The following PARD3 variants were observed in gnomAD, a reference collection of about 807,000 sequenced individuals.
PARD3 encodes par-3 family cell polarity regulator.
A neutral mutation model predicts 155.4 loss-of-function variants in PARD3; 75 were observed. The ratio of observed to expected loss-of-function variants is 0.48; its 90% CI spans 0.40 to 0.58. The LOEUF (loss-of-function observed/expected upper bound fraction) is 0.58, where lower values mean the gene tolerates loss of function less well. PARD3 is among the 20% of genes least tolerant of loss of function. The pLI is 0.00. For synonymous variants in PARD3, 576 were observed against 610.5 expected, an observed-to-expected ratio of 0.94 and a Z score of 0.83; for missense variants, 1,642 against 1,721.7, an observed-to-expected ratio of 0.95 and a Z score of 0.82.
chr10:34,154,839 T>C (rs1948931951), intron 22 of PARD3, among the ~76,000 whole-genome samples: 1 of 152,208 alleles, frequency 6.6e-6, no homozygotes, highest in Admixed American at 6.5e-5. Context: ...TTGGGAAGAC[T>C]GATTGAGACT....
At chr10:34,730,879 A>C (rs1468321506) in intron 1 of PARD3, among the ~76,000 whole-genome samples, 3 of 152,226 alleles carry the variant, frequency 2.0e-5, no homozygotes, top group African/African-American at 7.2e-5. Flanking sequence ...AGCAGCCTTA[A>C]TGAGCGCATA....
At chr10:34,634,321 G>A (rs140335006) in intron 2 of PARD3, among the ~76,000 whole-genome samples, 58 of 152,268 alleles carry the variant, frequency 3.8e-4, no homozygotes, top group African/African-American at 7.9e-4. Context: ...TACGTATAGC[G>A]GGAAACCATT....
chr10:34,674,776 C>G (rs17579227), intron 2 of PARD3, among the ~76,000 whole-genome samples: 3 of 152,058 alleles, frequency 2.0e-5, no homozygotes, highest in African/African-American at 2.4e-5. Flanking sequence ...CGTGAGCCAC[C>G]GTGCCCAGCC....
chr10:34,807,644 G>T (rs10827431), intron 1 of PARD3, among the ~76,000 whole-genome samples: 53,682 of 151,894 alleles, frequency 0.35, 10,627 homozygotes, highest in African/African-American at 0.55. Context: ...TGATGTACAG[G>T]TTTTGTGTAC....
chr10:34,697,477 C>G (rs1019421620), intron 1 of PARD3, among the ~76,000 whole-genome samples: 8 of 152,106 alleles, frequency 5.3e-5, no homozygotes, highest in African/African-American at 1.9e-4. Flanking sequence ...GACCCTGGAG[C>G]AGGGGTGCGG....
At chr10:34,759,025 T>C (rs145007621) in intron 1 of PARD3, among the ~76,000 whole-genome samples, 17 of 152,048 alleles carry the variant, frequency 1.1e-4, no homozygotes, top group Middle Eastern at 3.4e-3. Flanking sequence ...TACAGAATCA[T>C]AGGCACTGAA....
intron 3 of PARD3, among the ~76,000 whole-genome samples, chr10:34,497,127 T>C (rs1186108711): frequency 6.6e-6 from 1 of 152,180 alleles, no homozygotes; most frequent in East Asian, 1.9e-4. Flanking sequence ...GTGAAAAATA[T>C]CCAATGTAGT....
intron 24 of PARD3, among the ~76,000 whole-genome samples, chr10:34,116,629 C>A (rs1054061223): frequency 6.6e-6 from 1 of 152,210 alleles, no homozygotes; most frequent in Non-Finnish European, 1.5e-5. Context: ...CAGGAAGATT[C>A]TCATTGATAA....
intron 4 of PARD3, 100 bp from the exon 5 acceptor site, chr10:34,450,548 T>C (rs2077000784): frequency 2.8e-6 from 3 of 1,087,720 alleles, no homozygotes; most frequent in Non-Finnish European, 4.0e-6. Context: ...TGATTCTACA[T>C]ATTTAAAACA....
chr10:34,336,381 A>T, intron 17 of PARD3, 138 bp from the exon 18 acceptor site: 1 of 609,740 alleles, frequency 1.6e-6, no homozygotes, highest in East Asian at 2.8e-5. Context: ...CATCAAGCAA[A>T]CATTCATAAT....
At chr10:34,741,498 A>G (rs1008286651) in intron 1 of PARD3, among the ~76,000 whole-genome samples, 1 of 152,100 alleles carries the variant, frequency 6.6e-6, no homozygotes, top group Non-Finnish European at 1.5e-5. Flanking sequence ...TTTTATTTAT[A>G]AAAAGAAAAT....
chr10:34,362,169 G>A (rs970235094), intron 12 of PARD3, among the ~76,000 whole-genome samples: 25 of 152,028 alleles, frequency 1.6e-4, no homozygotes, highest in Non-Finnish European at 2.8e-4. Context: ...CGTGGTGGCG[G>A]GCACCTGTAG....
At chr10:34,464,856 A>G (rs1462577998) in intron 4 of PARD3, among the ~76,000 whole-genome samples, 2 of 152,198 alleles carry the variant, frequency 1.3e-5, no homozygotes, top group Non-Finnish European at 2.9e-5. Flanking sequence ...CCTGAAGTTA[A>G]TACATCAAAA....
chr10:34,409,482 C>T (rs1844829758), intron 5 of PARD3, among the ~76,000 whole-genome samples: 1 of 152,176 alleles, frequency 6.6e-6, no homozygotes, highest in East Asian at 1.9e-4. Flanking sequence ...TTGATGCTTA[C>T]TAAAAATCAC....
At chr10:34,624,882 C>T (rs1281622263) in intron 2 of PARD3, among the ~76,000 whole-genome samples, 2 of 152,244 alleles carry the variant, frequency 1.3e-5, no homozygotes, top group Admixed American at 1.3e-4. Context: ...CCAGGTCACA[C>T]TGCTGGGGAA....
At chr10:34,592,950 C>T (rs941300536) in intron 2 of PARD3, among the ~76,000 whole-genome samples, 1 of 152,148 alleles carries the variant, frequency 6.6e-6, no homozygotes, top group Admixed American at 6.5e-5. Flanking sequence ...CAATACATTA[C>T]TGCATGCCTA....
At chr10:34,302,071 C>G (rs780128499) in intron 20 of PARD3, among the ~76,000 whole-genome samples, 11 of 151,966 alleles carry the variant, frequency 7.2e-5, no homozygotes, top group Non-Finnish European at 1.5e-4. Context: ...GAATGGCTAC[C>G]CACTATCTTT....
chr10:34,127,367 A>C (rs1947343317), intron 23 of PARD3, among the ~76,000 whole-genome samples: 3 of 152,172 alleles, frequency 2.0e-5, no homozygotes, highest in Non-Finnish European at 4.4e-5. Context: ...GGGTTCTTTC[A>C]AGCCTTTTCT....
chr10:34,434,323 A>G (rs537434510), intron 5 of PARD3, among the ~76,000 whole-genome samples: 17 of 152,206 alleles, frequency 1.1e-4, no homozygotes, highest in Non-Finnish European at 2.5e-4. Flanking sequence ...CCTCACACTT[A>G]GAGTATTTCA....
Sources: allele counts gnomAD v4.1 joint callset (sites outside exome capture counted in the v4.1 genomes callset), GRCh38; gene constraint gnomAD v4.1.1; transcripts MANE v1.5; gene names NCBI Gene and HGNC (gene_info 2026-07-23, HGNC 2026-07-21).